MAN2A1: variants seen among roughly 807,000 people sequenced by gnomAD.
MAN2A1 encodes the protein mannosidase alpha class 2A member 1, also known as alpha-mannosidase 2.
A neutral mutation model predicts 142.6 loss-of-function variants in MAN2A1; 76 were observed. The observed-to-expected ratio is 0.53, with a 90% confidence interval of 0.44 to 0.65. The LOEUF (loss-of-function observed/expected upper bound fraction) is 0.65. Among genes scored for constraint, MAN2A1 ranks in the 30% least tolerant of loss-of-function variants. The pLI is 0.00. For synonymous variants in MAN2A1, 559 were observed against 473.2 expected (o/e 1.18, Z -2.35); for missense variants, 1,311 against 1,365.1 (o/e 0.96, Z 0.62).
intron 1 of MAN2A1, among the ~76,000 whole-genome samples, chr5:109,710,442 G>T (rs1434867400): frequency 1.3e-5 from 2 of 152,080 alleles, no homozygotes; most frequent in African/African-American, 4.8e-5. Flanking sequence ...AAGATCTGGA[G>T]AAATGTGGGC....
Position 109,792,760 on chromosome 5 carries a change from T to C in MAN2A1, c.1943+3233T>C, listed in dbSNP as rs554576705. Among the ~76,000 whole-genome samples, 57 of 152,164 alleles carry C rather than the reference T, an allele frequency of 3.7e-4. No individual in the cohort carries two copies. In the South Asian group the frequency reaches 0.011, roughly 30 times the overall value. On this transcript the variant is annotated intron_variant, in intron 12 of 21. Transcript: ENST00000261483. ...GGCTCAGTGTGCAGGAGGGCTCATA[T>C]ACATTGCTGAAAGTTAGTGCTCCCT...
intron 19 of MAN2A1, chr5:109,853,745 C>A (rs576232970): frequency 1.3e-5 from 2 of 152,228 alleles, no homozygotes; most frequent in East Asian, 3.9e-4. Flanking sequence ...TTTAAAATAT[C>A]TTGTTGAAAT....
rs1164005722 is a variant in MAN2A1 at position 109,781,589 on chromosome 5, C to T, written c.1568C>T (p.Ser523Phe). 3 of 1,595,486 alleles carry T rather than the reference C, an allele frequency of 1.9e-6. No individual in the cohort carries two copies. Among genetic ancestry groups the T allele is most frequent in the Admixed American group, 1.8e-5 (1 of 55,186 alleles). The stretch of plus-strand genomic sequence containing the variant: ...AAACGAATGGACAGAATCATGGAAT[C>T]TCATTTAAGGTACTTTTACCTTTCT... ...FYKRMDRIME[S>F]HLRAAEILYY... Residue 523 changes from serine (S) to phenylalanine (F), a missense_variant, in exon 9 of 22, where the codon TCT becomes TTT. Ser to Phe is a radical substitution (Grantham distance 155). This residue lies in a region of MAN2A1 where 890 missense variants were observed against 920.5 expected (regional missense o/e 0.97). Coordinates refer to ENST00000261483, the MANE Select transcript of MAN2A1 (RefSeq NM_002372.4).
chr5:109,693,722 C>T (rs1252202328), intron 1 of MAN2A1, among the ~76,000 whole-genome samples: 1 of 152,092 alleles, frequency 6.6e-6, no homozygotes, highest in African/African-American at 2.4e-5. Context: ...CTGCCTGCCT[C>T]TAAGATATTC....
chr5:109,855,575 T>C (rs1755586359), intron 20 of MAN2A1, among the ~76,000 whole-genome samples: 1 of 152,200 alleles, frequency 6.6e-6, no homozygotes, highest in African/African-American at 2.4e-5. Flanking sequence ...GAAATACCAT[T>C]AGTAGGTGGG....
intron 9 of MAN2A1, among the ~76,000 whole-genome samples, chr5:109,784,502 A>T (rs1753545496): frequency 6.6e-6 from 1 of 152,166 alleles, no homozygotes; most frequent in South Asian, 2.1e-4. Flanking sequence ...TTTCAGGATC[A>T]TCTAGAACAA....
intron 1 of MAN2A1, among the ~76,000 whole-genome samples, chr5:109,712,423 C>T (rs1751327220): frequency 6.6e-6 from 1 of 152,126 alleles, no homozygotes; most frequent in Admixed American, 6.5e-5. Flanking sequence ...ATTTATATTT[C>T]TAAATTTTCA....
intron 3 of MAN2A1, 102 bp downstream of exon 3, chr5:109,716,366 C>A: frequency 1.2e-6 from 1 of 869,316 alleles, no homozygotes; most frequent in Non-Finnish European, 1.8e-6. Flanking sequence ...ATTTTTGAGA[C>A]ATTATTCTCT....
intron 1 of MAN2A1, among the ~76,000 whole-genome samples, chr5:109,708,708 C>A (rs1481715803): frequency 1.3e-5 from 2 of 152,154 alleles, no homozygotes; most frequent in African/African-American, 4.8e-5. Context: ...TAGTGGAGCT[C>A]AGTCCAAGGT....
At chr5:109,862,561 T>C (rs992881113) in intron 20 of MAN2A1, 13 of 152,236 alleles carry the variant, frequency 8.5e-5, no homozygotes, top group African/African-American at 2.4e-4. Flanking sequence ...ATATTACTAA[T>C]GCATTAATGA....
intron 19 of MAN2A1, among the ~76,000 whole-genome samples, chr5:109,849,485 G>A (rs905544622): frequency 6.6e-6 from 1 of 152,122 alleles, no homozygotes; most frequent in African/African-American, 2.4e-5. Flanking sequence ...ACAGACATGA[G>A]TTCTGCCTGA....
At chr5:109,755,781 C>CA (rs1313240609) in intron 5 of MAN2A1, among the ~76,000 whole-genome samples, 1 of 149,606 alleles carries the variant, frequency 6.7e-6, no homozygotes, top group East Asian at 1.9e-4. Context: ...TTTTTTTCAG[C>CA]AAAAAAAGGA....
rs78894521 is a variant in MAN2A1 at position 109,760,920 on chromosome 5, A to C, written c.835+5464A>C. The stretch of plus-strand genomic sequence containing the variant: ...CTAGTAAAGGGTTGTTGCCTTTTTT[A>C]AAATTTGTAGATATTCTTTGTATGT... On this transcript the variant is annotated intron_variant, in intron 5 of 21. Transcript: ENST00000261483. Among the ~76,000 whole-genome samples, 983 of 151,958 alleles carry C rather than the reference A, an allele frequency of 6.5e-3. 8 individuals carry two copies. The highest frequency in any genetic ancestry group is 0.012 in the Non-Finnish European group (794 of 67,938).
intron 1 of MAN2A1, among the ~76,000 whole-genome samples, chr5:109,701,378 G>A (rs1406386670): frequency 6.6e-6 from 1 of 152,140 alleles, no homozygotes; most frequent in Non-Finnish European, 1.5e-5. Flanking sequence ...AGAATCTTTG[G>A]TGCCTGTGAA....
chr5:109,845,782 G>A, intron 17 of MAN2A1, 83 bp from the exon 18 acceptor site: 1 of 1,028,950 alleles, frequency 9.7e-7, no homozygotes, highest in South Asian at 2.1e-5. Flanking sequence ...TTTCTCTTGG[G>A]AAGAAAAATC....
chr5:109,789,557 C>A, intron 12 of MAN2A1, 30 bp downstream of exon 12: 1 of 1,462,568 alleles, frequency 6.8e-7, no homozygotes, highest in Non-Finnish European at 9.3e-7. Context: ...CAAATGTTTA[C>A]CACTTTCTGG....
At chr5:109,852,543 G>A (rs1283387558) in intron 19 of MAN2A1, among the ~76,000 whole-genome samples, 1 of 152,138 alleles carries the variant, frequency 6.6e-6, no homozygotes, top group East Asian at 1.9e-4. Context: ...CTGACTCATG[G>A]ACTAAGGGCT....
chr5:109,720,942 G>A (rs1332447860), intron 3 of MAN2A1, among the ~76,000 whole-genome samples: 1 of 152,176 alleles, frequency 6.6e-6, no homozygotes, highest in African/African-American at 2.4e-5. Flanking sequence ...AAAGTGGATT[G>A]TTTGATTTTG....
intron 1 of MAN2A1, among the ~76,000 whole-genome samples, chr5:109,704,231 C>A (rs992570935): frequency 1.1e-4 from 17 of 152,238 alleles, no homozygotes; most frequent in African/African-American, 4.1e-4. Flanking sequence ...TTACCTGCAT[C>A]TGAGCAGCCT....
Sources: allele counts gnomAD v4.1 joint callset (sites outside exome capture counted in the v4.1 genomes callset), GRCh38; gene constraint gnomAD v4.1.1; regional missense constraint gnomAD v4.1.1; transcripts MANE v1.5; gene names NCBI Gene and HGNC (gene_info 2026-07-23, HGNC 2026-07-21).